The following GABRB1 variants were observed in gnomAD, a reference collection of about 807,000 sequenced individuals.
The protein encoded by GABRB1 is gamma-aminobutyric acid type A receptor subunit beta1.
In GABRB1, 17 loss-of-function variants were observed where a neutral mutation model predicts 51.6. That is an observed-to-expected ratio of 0.33 (90% CI 0.23 to 0.49). The LOEUF (loss-of-function observed/expected upper bound fraction) is 0.49. Ranked by LOEUF, GABRB1 falls within the 20% of genes least tolerant of loss-of-function variation. GABRB1 has a pLI of 0.99. For synonymous variants in GABRB1, 247 were observed against 218.9 expected, an observed-to-expected ratio of 1.13 and a Z score of -1.14; for missense variants, 410 against 600.6, an observed-to-expected ratio of 0.68 and a Z score of 3.32.
chr4:47,339,388 T>A (rs1725804866), intron 5 of GABRB1, among the ~76,000 whole-genome samples: 2 of 152,304 alleles, frequency 1.3e-5, no homozygotes, highest in Admixed American at 1.3e-4. Context: ...ACTCAACAAT[T>A]CTGAACTGTG....
intron 3 of GABRB1, among the ~76,000 whole-genome samples, chr4:47,064,641 C>CAAAAAA (rs33963952): frequency 2.6e-4 from 15 of 58,166 alleles, no homozygotes; most frequent in East Asian, 1.2e-3. Flanking sequence ...GACTCCATCT[C>CAAAAAA]AAAAAAAAAA....
intron 8 of GABRB1, among the ~76,000 whole-genome samples, chr4:47,420,728 A>G (rs1005769941): frequency 6.6e-6 from 1 of 152,202 alleles, no homozygotes; most frequent in Non-Finnish European, 1.5e-5. Context: ...AGCTTCAGAT[A>G]TAAGAATACC....
chr4:47,357,245 G>A (rs982899186), intron 5 of GABRB1, among the ~76,000 whole-genome samples: 1 of 152,184 alleles, frequency 6.6e-6, no homozygotes, highest in Non-Finnish European at 1.5e-5. Context: ...GGGCGATTAG[G>A]AGTAAGATCT....
At chr4:47,046,254 C>T (rs983701961) in intron 3 of GABRB1, among the ~76,000 whole-genome samples, 4 of 152,042 alleles carry the variant, frequency 2.6e-5, no homozygotes, top group South Asian at 4.2e-4. Context: ...AGGGTGAGGA[C>T]GGACTAATAC....
At chr4:47,351,426 T>C (rs1345562536) in intron 5 of GABRB1, among the ~76,000 whole-genome samples, 1 of 152,210 alleles carries the variant, frequency 6.6e-6, no homozygotes, top group African/African-American at 2.4e-5. Flanking sequence ...ATTATTATTA[T>C]ACTTTAAGTT....
intron 3 of GABRB1, among the ~76,000 whole-genome samples, chr4:47,095,823 T>C (rs971252981): frequency 1.3e-5 from 2 of 152,248 alleles, no homozygotes; most frequent in African/African-American, 4.8e-5. Flanking sequence ...AAGCCATCGG[T>C]AGTCTTTACC....
chr4:47,269,058 G>C (rs919054554), intron 4 of GABRB1, among the ~76,000 whole-genome samples: 2 of 152,006 alleles, frequency 1.3e-5, no homozygotes, highest in African/African-American at 4.8e-5. Flanking sequence ...TTATTTTGAT[G>C]GTCTCCAAAA....
chr4:47,184,344 C>T (rs1012422628), intron 4 of GABRB1, among the ~76,000 whole-genome samples: 6 of 151,890 alleles, frequency 4.0e-5, no homozygotes, highest in Admixed American at 3.9e-4. Flanking sequence ...CTATTTGATA[C>T]ATTTCTCCAT....
At chr4:47,020,704 T>C (rs1724904617) in intron 1 of GABRB1, among the ~76,000 whole-genome samples, 1 of 152,162 alleles carries the variant, frequency 6.6e-6, no homozygotes, top group Non-Finnish European at 1.5e-5. Flanking sequence ...ACTACCACTA[T>C]AATTTTCCCA....
intron 4 of GABRB1, among the ~76,000 whole-genome samples, chr4:47,165,047 A>T (rs1196338863): frequency 2.0e-5 from 3 of 152,080 alleles, no homozygotes; most frequent in African/African-American, 7.2e-5. Flanking sequence ...TTGTGTTAGG[A>T]GACCAGAACT....
chr4:47,021,615 CCTT>C (rs1384970981), intron 1 of GABRB1, among the ~76,000 whole-genome samples: 1 of 152,086 alleles, frequency 6.6e-6, no homozygotes, highest in Non-Finnish European at 1.5e-5. Context: ...TATCTCAGTT[CCTT>C]CTTCTTTCTG....
At chr4:47,066,479 A>G (rs1727087890) in intron 3 of GABRB1, among the ~76,000 whole-genome samples, 2 of 152,178 alleles carry the variant, frequency 1.3e-5, no homozygotes, top group African/African-American at 4.8e-5. Context: ...TGGAGTTAAT[A>G]TTTTCAAACC....
intron 8 of GABRB1, among the ~76,000 whole-genome samples, chr4:47,409,043 C>T (rs56695497): frequency 0.018 from 2,678 of 152,230 alleles, 31 homozygotes; most frequent in Middle Eastern, 0.044. Flanking sequence ...TTCCCTGATA[C>T]GCTCATCTGT....
At chr4:47,399,015 CT>C (rs1728289166) in intron 5 of GABRB1, among the ~76,000 whole-genome samples, 1 of 152,216 alleles carries the variant, frequency 6.6e-6, no homozygotes, top group African/African-American at 2.4e-5. Flanking sequence ...TGGTCTCAAT[CT>C]CCTGACCTCG....
intron 5 of GABRB1, among the ~76,000 whole-genome samples, chr4:47,364,071 A>G (rs144476951): frequency 2.0e-5 from 3 of 152,340 alleles, no homozygotes; most frequent in African/African-American, 7.2e-5. Context: ...GAAATGGTCT[A>G]AATTCACACA....
intron 4 of GABRB1, 21 bp from the exon 5 acceptor site, chr4:47,320,106 T>C: frequency 6.7e-7 from 1 of 1,496,344 alleles, no homozygotes; most frequent in Non-Finnish European, 9.3e-7. Context: ...TGTTTTCTTT[T>C]TTCTCTCTCC....
chr4:47,214,765 C>T (rs1308759891), intron 4 of GABRB1, among the ~76,000 whole-genome samples: 1 of 152,098 alleles, frequency 6.6e-6, no homozygotes, highest in Non-Finnish European at 1.5e-5. Context: ...ACTTTTGTTT[C>T]TAAAGCCATA....
intron 4 of GABRB1, among the ~76,000 whole-genome samples, chr4:47,226,246 A>T (rs942154729): frequency 1.3e-5 from 2 of 152,174 alleles, no homozygotes; most frequent in Non-Finnish European, 2.9e-5. Context: ...ATTAGTAAAT[A>T]TGAAGTGCTG....
chr4:47,178,585 T>G (rs950583815), intron 4 of GABRB1, among the ~76,000 whole-genome samples: 3 of 152,150 alleles, frequency 2.0e-5, no homozygotes, highest in Non-Finnish European at 4.4e-5. Context: ...TTTGGTCTTT[T>G]GTGTCACAGG....
Sources: allele counts gnomAD v4.1 joint callset (sites outside exome capture counted in the v4.1 genomes callset), GRCh38; gene constraint gnomAD v4.1.1; transcripts MANE v1.5; gene names NCBI Gene and HGNC (gene_info 2026-07-23, HGNC 2026-07-21).